PLPP1: variants seen among roughly 807,000 people sequenced by gnomAD.
PLPP1 encodes the protein lipid phosphate phosphohydrolase 1a.
Under a neutral mutation model 31.2 loss-of-function variants are expected in PLPP1, and 24 were observed. The ratio of observed to expected loss-of-function variants is 0.77; its 90% CI spans 0.56 to 1.08. The LOEUF is 1.08. PLPP1 is among the 50% of genes least tolerant of loss of function. The probability of loss-of-function intolerance (pLI) is 0.00; values close to 1 mark genes in which losing one functional copy is unlikely to be tolerated. For missense variants in PLPP1, 319 were observed against 342.7 expected, an observed-to-expected ratio of 0.93 and a Z score of 0.55; for synonymous variants, 146 against 126.3, an observed-to-expected ratio of 1.16 and a Z score of -1.05.
intron 2 of PLPP1, among the ~76,000 whole-genome samples, chr5:55,474,003 T>TTTTTTG (rs1752481335): frequency 1.1e-5 from 1 of 91,040 alleles, no homozygotes; most frequent in African/African-American, 3.6e-5. Context: ...TGTTGTTTTT[T>TTTTTTG]TTTTTTTTTT....
rs1263821477 is a variant in PLPP1 at position 55,425,310 on chromosome 5, T to G, written c.751A>C (p.Lys251Gln). The G allele has an allele frequency of 1.1e-5, 17 of 1,607,772 alleles. No individual in the cohort carries two copies. The highest frequency in any genetic ancestry group is 1.4e-5 in the Non-Finnish European group (16 of 1,174,658). Residue 251 changes from lysine to glutamine, a missense_variant, in exon 6 of 6, where the codon AAA (lysine) becomes CAA (glutamine). Physicochemically the swap from Lys to Gln is moderately conservative, Grantham distance 53 (BLOSUM62 1). Transcript: ENST00000307259. ...CTTTCTTTAAAAGAAGTTCTTTCTT[T>G]GAAGAAATCCGATACATATACAGCC... ...LVAVYVSDFF[K>Q]ERTSFKERKE...
chr5:55,506,704 G>A lies in PLPP1; in HGVS notation c.58+27868C>T, dbSNP rs145464896. ...CACATTCCATTCCCCCCAAAATTCCGGCATATGTAAATTTAACCATGTTTG... is the reference window on the plus strand; with the variant it reads ...CACATTCCATTCCCCCCAAAATTCCAGCATATGTAAATTTAACCATGTTTG... On this transcript the variant is annotated intron_variant, in intron 1 of 5. Coordinates refer to ENST00000307259, the MANE Select transcript of PLPP1 (RefSeq NM_003711.4). Among the ~76,000 whole-genome samples the A allele has an allele frequency of 1.4e-3, 211 of 152,050 alleles. 2 individuals carry two copies. The Middle Eastern group carries it at 0.024, about 17-fold the overall frequency.
intron 4 of PLPP1, among the ~76,000 whole-genome samples, chr5:55,436,095 A>G (rs916457176): frequency 1.3e-5 from 2 of 152,128 alleles, no homozygotes; most frequent in Admixed American, 6.5e-5. Context: ...TCTTAGAGCA[A>G]TAAGGACACC....
intron 3 of PLPP1, among the ~76,000 whole-genome samples, chr5:55,463,872 A>G (rs1579941120): frequency 1.3e-5 from 2 of 151,666 alleles, no homozygotes; most frequent in South Asian, 4.1e-4. Context: ...GAGAGAAAAT[A>G]TTTTCAAAAC....
chr5:55,508,054 C>T (rs895241637), intron 1 of PLPP1, among the ~76,000 whole-genome samples: 3 of 151,992 alleles, frequency 2.0e-5, no homozygotes, highest in Non-Finnish European at 2.9e-5. Flanking sequence ...GACAGGGTTT[C>T]ACCATGTTGG....
chr5:55,429,602 ATCCCCCCGAG>A (rs1751295263), intron 4 of PLPP1, among the ~76,000 whole-genome samples: 1 of 152,072 alleles, frequency 6.6e-6, no homozygotes, highest in South Asian at 2.1e-4. Flanking sequence ...GAGGGAGCTC[ATCCCCCCGAG>A]TCCTAAGCAG....
At chr5:55,476,071 TG>T (rs1439246365) in intron 1 of PLPP1, among the ~76,000 whole-genome samples, 1 of 151,234 alleles carries the variant, frequency 6.6e-6, no homozygotes, top group Non-Finnish European at 1.5e-5. Flanking sequence ...CTTGATCTCC[TG>T]GGCTCAAGCT....
chr5:55,434,275 T>C (rs1258865251), intron 4 of PLPP1, among the ~76,000 whole-genome samples: 1 of 151,122 alleles, frequency 6.6e-6, no homozygotes, highest in Non-Finnish European at 1.5e-5. Flanking sequence ...TGAATGAAAA[T>C]GCAGAAGACA....
chr5:55,503,716 T>G (rs541364651), intron 1 of PLPP1, among the ~76,000 whole-genome samples: 8 of 148,144 alleles, frequency 5.4e-5, no homozygotes, highest in African/African-American at 2.0e-4. Context: ...GAGGTGGAGG[T>G]TGCAGTGAGC....
chr5:55,456,969 G>A (rs1252653171), intron 3 of PLPP1, among the ~76,000 whole-genome samples: 1 of 151,980 alleles, frequency 6.6e-6, no homozygotes, highest in Non-Finnish European at 1.5e-5. Context: ...AGACCAGCCT[G>A]GCCAACATGG....
intron 4 of PLPP1, among the ~76,000 whole-genome samples, chr5:55,439,283 A>T (rs1751566616): frequency 6.6e-6 from 1 of 152,212 alleles, no homozygotes; most frequent in South Asian, 2.1e-4. Flanking sequence ...CAGTCCCTGC[A>T]GCCATATTTC....
chr5:55,501,068 A>ACGTTGGGAGCCT (rs1276392572), intron 1 of PLPP1, among the ~76,000 whole-genome samples: 1 of 152,228 alleles, frequency 6.6e-6, no homozygotes, highest in Non-Finnish European at 1.5e-5. Flanking sequence ...TAACCCCAGC[A>ACGTTGGGAGCCT]CGTTGGGAGG....
intron 1 of PLPP1, among the ~76,000 whole-genome samples, chr5:55,479,197 T>C (rs963264274): frequency 6.6e-6 from 1 of 152,144 alleles, no homozygotes. Context: ...GCTAGTTTTT[T>C]TGTATTATTA....
At chr5:55,471,307 T>G (rs948644728) in intron 2 of PLPP1, among the ~76,000 whole-genome samples, 3 of 152,024 alleles carry the variant, frequency 2.0e-5, no homozygotes, top group Non-Finnish European at 2.9e-5. Flanking sequence ...GTTCAAGTGA[T>G]TCTCCTGCTT....
intron 4 of PLPP1, 56 bp from the exon 5 acceptor site, chr5:55,426,095 A>ATATT (rs1751187487): frequency 2.1e-6 from 3 of 1,419,826 alleles, no homozygotes; most frequent in Non-Finnish European, 2.8e-6. Flanking sequence ...CAAAACTTTT[A>ATATT]TATTAAGGAA....
intron 3 of PLPP1, among the ~76,000 whole-genome samples, chr5:55,465,960 G>C (rs1752284278): frequency 6.6e-6 from 1 of 152,218 alleles, no homozygotes; most frequent in Admixed American, 6.5e-5. Context: ...GATCTACACA[G>C]CCCATACACC....
chr5:55,524,736 G>A (rs147353266), intron 1 of PLPP1, among the ~76,000 whole-genome samples: 239 of 152,290 alleles, frequency 1.6e-3, no homozygotes, highest in African/African-American at 5.7e-3. Flanking sequence ...CTTGTACCTA[G>A]AAGGCAGAGG....
chr5:55,522,820 G>A (rs557983774), intron 1 of PLPP1, among the ~76,000 whole-genome samples: 38 of 152,208 alleles, frequency 2.5e-4, no homozygotes, highest in African/African-American at 8.4e-4. Flanking sequence ...CTGGGTTCAC[G>A]CCATTCTCCT....
chr5:55,505,447 CA>C (rs35040837), intron 1 of PLPP1, among the ~76,000 whole-genome samples: 7 of 144,348 alleles, frequency 4.8e-5, no homozygotes, highest in Admixed American at 6.9e-5. Context: ...TATACACACG[CA>C]AAAAAAAAAA....
Sources: allele counts gnomAD v4.1 joint callset (sites outside exome capture counted in the v4.1 genomes callset), GRCh38; gene constraint gnomAD v4.1.1; transcripts MANE v1.5; gene names NCBI Gene and HGNC (gene_info 2026-07-23, HGNC 2026-07-21).